Variants in RANBP3 observed in about 807,000 individuals in gnomAD.
RANBP3 encodes the protein ran-binding protein 3.
Under a neutral mutation model 77.3 loss-of-function variants are expected in RANBP3, and 14 were observed. The ratio of observed to expected loss-of-function variants is 0.18; its 90% CI spans 0.12 to 0.28. The LOEUF is 0.28. RANBP3 is among the 10% of genes least tolerant of loss of function. The probability of loss-of-function intolerance (pLI) is 1.00; values close to 1 mark genes in which losing one functional copy is unlikely to be tolerated. For synonymous variants in RANBP3, 315 were observed against 312.4 expected (o/e 1.01, Z -0.09); for missense variants, 586 against 752.3 (o/e 0.78, Z 2.59).
rs1213045406 is a variant in RANBP3, at chr19:5,952,522, C to G, written c.79-926G>C. 6.6e-6 allele frequency among the ~76,000 whole-genome samples: 1 copy of G among 152,188 alleles called. No homozygotes were observed. The highest frequency in any genetic ancestry group is 6.5e-5 in the Admixed American group (1 of 15,292). ...GGGTTAAACACCTGGTGTCCTAAAACAGACTCCAGTCCCCAAACCTCCCTC... is the reference window on the plus strand; with the variant it reads ...GGGTTAAACACCTGGTGTCCTAAAAGAGACTCCAGTCCCCAAACCTCCCTC... On this transcript the variant is annotated intron_variant, in intron 2 of 16. Coordinates refer to ENST00000340578, the MANE Select transcript of RANBP3 (RefSeq NM_007322.3). The surrounding 1 kb of genome is among the most constrained non-coding windows in gnomAD (Gnocchi z 4.1).
Position 5,921,495 on chromosome 19 carries a change from T to A in RANBP3, c.1210-174A>T, listed in dbSNP as rs2057819195. On this transcript the variant is annotated intron_variant, in intron 13 of 16. Coordinates refer to ENST00000340578, the MANE Select transcript of RANBP3 (RefSeq NM_007322.3). The surrounding 1 kb of genome is among the most constrained non-coding windows in gnomAD (Gnocchi z 5.3). ...TCAAGCTAGAACAGGCTTTACATTG[T>A]ATAAGGGGTATCTGAAATTAAAAGA... Among the ~76,000 whole-genome samples the A allele has an allele frequency of 6.6e-6, 1 of 152,118 alleles. No homozygotes were observed. The highest frequency in any genetic ancestry group is 1.5e-5 in the Non-Finnish European group (1 of 68,020).
intron 1 of RANBP3, among the ~76,000 whole-genome samples, chr19:5,961,302 G>A (rs2058397933): frequency 6.6e-6 from 1 of 151,824 alleles, no homozygotes; most frequent in South Asian, 2.1e-4. Flanking sequence ...AATTAGCCGG[G>A]CGTGGTGGCA....
chr19:5,918,562 G>C lies in RANBP3; in HGVS notation c.1407C>G (p.Ser469Arg). The part of the protein sequence containing the change: ...LWAQMQIDKA[S>R]EKSIRITAMD... ...TGGCTGTGATGCGAATGCTCTTCTC[G>C]CTGGCCTTGTCGATCTGCATCTGGG... Residue 469 changes from serine to arginine, a missense_variant, in exon 15 of 17, where the codon AGC (serine) becomes AGG (arginine). Ser to Arg is a moderately radical substitution (Grantham distance 110, BLOSUM62 -1). Around this residue, in one of 5 missense-constraint regions of RANBP3, gnomAD observed 128 missense variants for 157.0 expected, o/e 0.82. Transcript: ENST00000340578. 6.2e-7 allele frequency: 1 copy of C among 1,613,476 alleles called. No homozygotes were observed.
chr19:5,943,720 C>T (rs1373843949), intron 3 of RANBP3, among the ~76,000 whole-genome samples: 1 of 152,148 alleles, frequency 6.6e-6, no homozygotes, highest in African/African-American at 2.4e-5. Context: ...GAAATGCTCC[C>T]AAGGGACTGT....
chr19:5,951,845 G>A (rs1217931535), intron 2 of RANBP3, among the ~76,000 whole-genome samples: 2 of 152,214 alleles, frequency 1.3e-5, no homozygotes, highest in Non-Finnish European at 2.9e-5. Context: ...CAGTGTATGA[G>A]AAGCAGGACC....
chr19:5,961,138 A>T (rs1303158761), intron 1 of RANBP3, among the ~76,000 whole-genome samples: 2 of 152,172 alleles, frequency 1.3e-5, no homozygotes, highest in African/African-American at 4.8e-5. Flanking sequence ...CTATCATGAA[A>T]CACACACTTA....
intron 5 of RANBP3, among the ~76,000 whole-genome samples, chr19:5,941,021 C>A (rs1413411703): frequency 1.3e-5 from 2 of 152,254 alleles, no homozygotes; most frequent in Non-Finnish European, 2.9e-5. Flanking sequence ...CGTCCAGGGC[C>A]TTCAAGCCCT....
intron 1 of RANBP3, among the ~76,000 whole-genome samples, chr19:5,973,058 A>G (rs939433392): frequency 1.3e-5 from 2 of 152,244 alleles, no homozygotes; most frequent in East Asian, 1.9e-4. Context: ...CCCCTTGGGT[A>G]CCATCAGGCC....
At chr19:5,947,228 C>T (rs1019906200) in intron 3 of RANBP3, among the ~76,000 whole-genome samples, 6 of 151,028 alleles carry the variant, frequency 4.0e-5, no homozygotes, top group South Asian at 2.1e-4. Context: ...TCAGGAGAAT[C>T]GCTTGAACCC....
intron 1 of RANBP3, among the ~76,000 whole-genome samples, chr19:5,975,041 G>A (rs750350559): frequency 1.7e-4 from 26 of 152,228 alleles, no homozygotes; most frequent in Non-Finnish European, 3.1e-4. Context: ...TAAACAGCAA[G>A]AACAAACACG....
At chr19:5,939,502 G>A (rs1048708227) in intron 5 of RANBP3, among the ~76,000 whole-genome samples, 2 of 152,228 alleles carry the variant, frequency 1.3e-5, no homozygotes, top group South Asian at 2.1e-4. Flanking sequence ...CAGAGGGGCC[G>A]GGGCTCACTT....
chr19:5,965,695 C>A (rs889461011), intron 1 of RANBP3: 1 of 152,236 alleles, frequency 6.6e-6, no homozygotes, highest in African/African-American at 2.4e-5. Context: ...AGTTTCCCAA[C>A]GCTCCAGGTG....
chr19:5,951,719 G>C, intron 2 of RANBP3, 123 bp from the exon 3 acceptor site: 1 of 868,892 alleles, frequency 1.2e-6, no homozygotes, highest in Non-Finnish European at 1.8e-6. Context: ...CGCCTGGGAG[G>C]AAGATGGGGA....
chr19:5,931,193 A>G (rs1372411576), intron 8 of RANBP3, among the ~76,000 whole-genome samples: 1 of 152,208 alleles, frequency 6.6e-6, no homozygotes, highest in African/African-American at 2.4e-5. Context: ...CTGCCTGACC[A>G]GCAAGACCAC....
chr19:5,966,036 C>T (rs1157461927), intron 1 of RANBP3: 1 of 152,250 alleles, frequency 6.6e-6, no homozygotes, highest in Non-Finnish European at 1.5e-5. Context: ...CTGAGTGCCA[C>T]GCTCCACTCC....
intron 8 of RANBP3, chr19:5,928,371 G>A (rs934985062): frequency 5.7e-5 from 15 of 261,244 alleles, no homozygotes; most frequent in African/African-American, 2.9e-4. Context: ...GCCGGCAGAG[G>A]ACAGGAAATA....
chr19:5,978,120 G>A lies in RANBP3; in HGVS notation c.-38C>T. On this transcript the variant is annotated 5_prime_UTR_variant, in exon 1 of 17. Coordinates refer to ENST00000340578, the MANE Select transcript of RANBP3 (RefSeq NM_007322.3). ...AGCCCTCCCACAAGGCCCCGCGCCG[G>A]CCCAGGCTCGCCTGCTTTCTGCCAG... The A allele has an allele frequency of 6.3e-7, 1 of 1,593,586 alleles. No homozygotes were observed. The highest frequency in any genetic ancestry group is 8.5e-7 in the Non-Finnish European group (1 of 1,171,752).
chr19:5,972,938 T>C (rs1438872907), intron 1 of RANBP3, among the ~76,000 whole-genome samples: 1 of 152,180 alleles, frequency 6.6e-6, no homozygotes, highest in Non-Finnish European at 1.5e-5. Flanking sequence ...GCTGAAGGCT[T>C]GTTTGAAACA....
chr19:5,960,551 C>T (rs1460293062), intron 1 of RANBP3, among the ~76,000 whole-genome samples: 2 of 152,184 alleles, frequency 1.3e-5, no homozygotes, highest in Non-Finnish European at 2.9e-5. Context: ...GGCCTGAGAA[C>T]AGTACTTGGC....
Sources: allele counts gnomAD v4.1 joint callset (sites outside exome capture counted in the v4.1 genomes callset), GRCh38; gene constraint gnomAD v4.1.1; regional missense constraint gnomAD v4.1.1; non-coding constraint Gnocchi (gnomAD v3.1); transcripts MANE v1.5; gene names NCBI Gene and HGNC (gene_info 2026-07-23, HGNC 2026-07-21).